RNF111: variants seen among roughly 807,000 people sequenced by gnomAD.
RNF111 encodes ring finger protein 111, also known as E3 ubiquitin-protein ligase Arkadia.
In RNF111, 17 loss-of-function variants were observed where a neutral mutation model predicts 95.1. The ratio of observed to expected loss-of-function variants is 0.18; its 90% confidence interval spans 0.12 to 0.27. The LOEUF is 0.27. Ranked by LOEUF, RNF111 falls within the 10% of genes least tolerant of loss-of-function variation. RNF111 has a pLI of 1.00. For missense variants in RNF111, 1,189 were observed against 1,210.4 expected (o/e 0.98, Z 0.26); for synonymous variants, 440 against 414.8 (o/e 1.06, Z -0.74).
intron 10 of RNF111, among the ~76,000 whole-genome samples, chr15:59,086,770 A>AG (rs2078912510): frequency 6.6e-6 from 1 of 152,230 alleles, no homozygotes; most frequent in Non-Finnish European, 1.5e-5. Context: ...AGTGAGGGTC[A>AG]GGCAGCAGTG....
Position 59,081,126 on chromosome 15 carries a change from A to T in RNF111, c.2139A>T (p.Leu713Phe). The T allele has an allele frequency of 1.9e-6, 3 of 1,614,076 alleles. No individual in the cohort carries two copies. In the Middle Eastern group the frequency reaches 4.9e-4, roughly 266 times the overall value. The change falls in exon 8 of 14, where the codon TTA (leucine) becomes TTT (phenylalanine). Residue 713 changes from leucine (L) to phenylalanine (F), a missense_variant. Coordinates refer to ENST00000348370, the MANE Select transcript of RNF111 (RefSeq NM_017610.8). ...TGGCACCCCCACCACCAACTCACTT[A>T]GCCAGTACAGCTGCACCAATCCCTC... is the stretch of plus-strand genomic sequence containing the variant. ...HPVAPPPPTHLASTAAPIPQH... is the reference protein window; with the variant it reads ...HPVAPPPPTHFASTAAPIPQH...
intron 10 of RNF111, among the ~76,000 whole-genome samples, chr15:59,088,875 T>G (rs1216164137): frequency 6.6e-6 from 1 of 152,224 alleles, no homozygotes; most frequent in Non-Finnish European, 1.5e-5. Flanking sequence ...TATGACAGCC[T>G]TCTTTGCTTA....
At chr15:59,017,363 T>G (rs1256876360) in intron 1 of RNF111, among the ~76,000 whole-genome samples, 1 of 152,236 alleles carries the variant, frequency 6.6e-6, no homozygotes, top group African/African-American at 2.4e-5. Context: ...ACAAAAAAAT[T>G]AATAGTTCAG....
intron 1 of RNF111, among the ~76,000 whole-genome samples, chr15:58,990,207 A>T (rs1476022526): frequency 6.6e-6 from 1 of 152,216 alleles, no homozygotes; most frequent in African/African-American, 2.4e-5. Flanking sequence ...ATTGTAGAAT[A>T]GATAACTTTC....
chr15:59,060,987 C>G (rs2042412049), intron 5 of RNF111, among the ~76,000 whole-genome samples: 1 of 151,902 alleles, frequency 6.6e-6, no homozygotes, highest in Admixed American at 6.6e-5. Flanking sequence ...TGGGGTTTTG[C>G]CATGTTGCCG....
At chr15:59,055,598 T>A in intron 3 of RNF111, 84 bp from the exon 4 acceptor site, 1 of 1,065,168 alleles carries the variant, frequency 9.4e-7, no homozygotes, top group Non-Finnish European at 1.3e-6. Flanking sequence ...AAACTTAACA[T>A]TTAGTAAGAA....
At chr15:59,040,294 A>G (rs530032557) in intron 2 of RNF111, among the ~76,000 whole-genome samples, 10 of 151,854 alleles carry the variant, frequency 6.6e-5, no homozygotes, top group African/African-American at 2.4e-4. Context: ...TTTAAATTAT[A>G]TTTTAATTTT....
rs145204570 is a variant in RNF111 at position 59,055,770 on chromosome 15, A to G, written c.1096A>G (p.Ser366Gly). The G allele has an allele frequency of 1.9e-6, 3 of 1,614,054 alleles. No individual in the cohort carries two copies. Among genetic ancestry groups the G allele is most frequent in the African/African-American group, 1.3e-5 (1 of 75,024 alleles). ...ASRPQEPRNR[S>G]RISTVIQPLR... ...TCGGCCACAGGAGCCACGGAACCGC[A>G]GTAGGATTTCTACTGTTATACAGCC... The change falls in exon 4 of 14, where the codon AGT becomes GGT. Residue 366 changes from serine to glycine, a missense_variant. Transcript: ENST00000348370.
intron 1 of RNF111, among the ~76,000 whole-genome samples, chr15:59,010,994 C>T (rs977907689): frequency 7.9e-5 from 12 of 152,234 alleles, no homozygotes; most frequent in Middle Eastern, 3.4e-3. Flanking sequence ...TTCTCCCTAA[C>T]GGTCATCGTT....
intron 1 of RNF111, among the ~76,000 whole-genome samples, chr15:59,006,012 C>G (rs1217566018): frequency 6.6e-6 from 1 of 152,092 alleles, no homozygotes; most frequent in Non-Finnish European, 1.5e-5. Context: ...TAGGAAGTCA[C>G]TATTTCTGTA....
chr15:59,058,582 T>C (rs1596232627), intron 5 of RNF111, 32 bp downstream of exon 5: 1 of 1,574,210 alleles, frequency 6.4e-7, no homozygotes, highest in Admixed American at 1.7e-5. Flanking sequence ...GGGAGACTTT[T>C]TGTCATTACT....
intron 2 of RNF111, among the ~76,000 whole-genome samples, chr15:59,046,309 T>A (rs1323669597): frequency 6.8e-6 from 1 of 147,078 alleles, no homozygotes; most frequent in Non-Finnish European, 1.5e-5. Context: ...TCCTCCCACG[T>A]CAGCCTCCTG....
At chr15:59,052,480 T>C in intron 3 of RNF111, 49 bp downstream of exon 3, 1 of 1,340,606 alleles carries the variant, frequency 7.5e-7, no homozygotes, top group South Asian at 1.7e-5. Context: ...AATATAAATA[T>C]TAAACATATT....
intron 1 of RNF111, among the ~76,000 whole-genome samples, chr15:58,995,430 A>G (rs1416338283): frequency 6.6e-6 from 1 of 151,080 alleles, no homozygotes; most frequent in Non-Finnish European, 1.5e-5. Flanking sequence ...GAGCCTTTCC[A>G]AGTGGGCTCC....
chr15:59,038,221 G>A (rs12910656), intron 2 of RNF111, among the ~76,000 whole-genome samples: 1,972 of 152,152 alleles, frequency 0.013, 23 homozygotes, highest in Non-Finnish European at 0.021. Flanking sequence ...GGTATGGCAC[G>A]CACTGACTCC....
chr15:59,084,156 T>C lies in RNF111; in HGVS notation c.2325T>C (p.His775=). 6.2e-7 allele frequency: 1 copy of C among 1,609,282 alleles called. No individual in the cohort carries two copies. The highest frequency in any genetic ancestry group is 1.1e-5 in the South Asian group (1 of 90,152). Residue 775 remains histidine (H), a synonymous_variant, in exon 9 of 14, where the codon CAT becomes CAC. Coordinates refer to ENST00000348370, the MANE Select transcript of RNF111 (RefSeq NM_017610.8). ...GGGCACATGAACGCCCCCCACCCCATCCACATAGGATGCACCCAAACTATG... is the reference window on the plus strand; with the variant it reads ...GGGCACATGAACGCCCCCCACCCCACCCACATAGGATGCACCCAAACTATG... ...PTRAHERPPP[H]PHRMHPNYGH...
rs115379934 is a variant in RNF111, at chr15:59,004,089, C to T, written c.-20+16021C>T. On this transcript the variant is annotated intron_variant, in intron 1 of 13. Coordinates refer to ENST00000348370, the MANE Select transcript of RNF111 (RefSeq NM_017610.8). ...GTTGATCTTTTTGAAACCCTCTTCCCAGACTCTTGGATTTATTTATTTTAT... is the reference window on the plus strand; with the variant it reads ...GTTGATCTTTTTGAAACCCTCTTCCTAGACTCTTGGATTTATTTATTTTAT... 8.0e-4 allele frequency: 810 copies of T among 1,007,500 alleles called. 4 individuals are homozygous for T. The African/African-American group carries it at 0.013, about 16-fold the overall frequency. 62.4% of individuals were successfully genotyped at this position (1,007,500 alleles called of 1,614,324 possible). A position where few individuals can be genotyped will look rare whatever the true frequency, so the allele number is the denominator to read the frequency against.
At chr15:59,038,755 A>G (rs1283610867) in intron 2 of RNF111, among the ~76,000 whole-genome samples, 1 of 152,158 alleles carries the variant, frequency 6.6e-6, no homozygotes, top group Non-Finnish European at 1.5e-5. Context: ...AGTTGGGTCT[A>G]AAAGCTTGAT....
At chr15:59,062,089 C>A (rs1459590301) in intron 5 of RNF111, among the ~76,000 whole-genome samples, 2 of 139,382 alleles carry the variant, frequency 1.4e-5, no homozygotes, top group East Asian at 4.3e-4. Flanking sequence ...CAGGGTCTTG[C>A]TTTGTCACGT....
Sources: allele counts gnomAD v4.1 joint callset (sites outside exome capture counted in the v4.1 genomes callset), GRCh38; gene constraint gnomAD v4.1.1; transcripts MANE v1.5; gene names NCBI Gene and HGNC (gene_info 2026-07-23, HGNC 2026-07-21).